CERS4: variants seen among roughly 807,000 people sequenced by gnomAD.
CERS4 encodes the protein LAG1 homolog, ceramide synthase 4.
A neutral mutation model predicts 51.8 loss-of-function variants in CERS4; 65 were observed. That is an observed-to-expected ratio of 1.26 (90% CI 1.03 to 1.54). The LOEUF (loss-of-function observed/expected upper bound fraction) is 1.54. CERS4 is among the 40% of genes most tolerant of loss of function. The pLI is 0.00. For missense variants in CERS4, 563 were observed against 500.4 expected, an observed-to-expected ratio of 1.13 and a Z score of -1.19; for synonymous variants, 228 against 208.4, an observed-to-expected ratio of 1.09 and a Z score of -0.81.
At chr19:8,258,447 G>T (rs1969512134) in intron 10 of CERS4, among the ~76,000 whole-genome samples, 1 of 152,200 alleles carries the variant, frequency 6.6e-6, no homozygotes, top group African/African-American at 2.4e-5. Flanking sequence ...GGTAGCTCAT[G>T]CCTGTAATCC....
At chr19:8,219,819 C>CA (rs550873858) in intron 2 of CERS4, among the ~76,000 whole-genome samples, 5,242 of 139,222 alleles carry the variant, frequency 0.038, 154 homozygotes, top group Middle Eastern at 0.051. Flanking sequence ...AACTCTGTTT[C>CA]AAAAAAAAAA....
chr19:8,250,913 AGTCCC>A, intron 2 of CERS4, 158 bp from the exon 3 acceptor site: 1 of 1,446,856 alleles, frequency 6.9e-7, no homozygotes. Flanking sequence ...ACAGTTCCAA[AGTCCC>A]AGGCAAGGGG....
chr19:8,260,959 A>AC (rs71175823), intron 10 of CERS4: 75,415 of 143,156 alleles, frequency 0.53, 21,115 homozygotes, highest in South Asian at 0.61. Flanking sequence ...TCAAAAAAAA[A>AC]AAAAAAAAAA....
At chr19:8,235,925 G>T (rs1444924045) in intron 2 of CERS4, among the ~76,000 whole-genome samples, 1 of 152,050 alleles carries the variant, frequency 6.6e-6, no homozygotes, top group African/African-American at 2.4e-5. Flanking sequence ...GCCGGGCGCG[G>T]TGGCTCACGC....
chr19:8,221,175 C>T (rs563779992), intron 2 of CERS4, among the ~76,000 whole-genome samples: 3 of 150,304 alleles, frequency 2.0e-5, no homozygotes, highest in African/African-American at 7.3e-5. Flanking sequence ...CGCTATGTTG[C>T]TCAGGCTGGT....
At position 8,237,111 on chromosome 19, in the gene CERS4, A is replaced by G. The variant is rs560480874; in HGVS notation, c.-1-13965A>G. Among the ~76,000 whole-genome samples the G allele has an allele frequency of 3.3e-5, 5 of 151,266 alleles. No homozygotes were observed. The South Asian group carries it at 1.0e-3, about 32-fold the overall frequency. ...TAGTTCTCTCACAGTTATCTGCCCC[A>G]GGAACACAGAGACGATTATAGATAA... is the stretch of plus-strand genomic sequence containing the variant. On this transcript the variant is annotated intron_variant, in intron 2 of 11. Transcript: ENST00000251363.
At chr19:8,255,077 C>T (rs937507197) in intron 4 of CERS4, among the ~76,000 whole-genome samples, 2 of 152,148 alleles carry the variant, frequency 1.3e-5, no homozygotes, top group Non-Finnish European at 2.9e-5. Flanking sequence ...CCTCCATTCC[C>T]GTCTCTGGTG....
At position 8,257,074 on chromosome 19, in the gene CERS4, G is replaced by T. The variant is rs921156003; in HGVS notation, c.738G>T (p.Leu246=). ...TACACGATTCCTCTGACTACCTGCT[G>T]GAGGTGGGCCCGACCCCTGCCTGAC... ...LLLHDSSDYL[L]EACKMVNYMQ... Residue 246 remains leucine, a synonymous_variant, in exon 9 of 12, where the codon CTG becomes CTT. Transcript: ENST00000251363. 1 of 1,598,082 alleles carries T rather than the reference G, an allele frequency of 6.3e-7. No individual in the cohort carries two copies. The highest frequency in any genetic ancestry group is 1.3e-5 in the African/African-American group (1 of 74,774).
chr19:8,258,082 G>A, intron 10 of CERS4, 97 bp downstream of exon 10: 1 of 987,632 alleles, frequency 1.0e-6, no homozygotes, highest in Non-Finnish European at 1.6e-6. Context: ...AGGAGCTGGG[G>A]ATCTTGGCTG....
chr19:8,244,577 G>A (rs961669300), intron 2 of CERS4, among the ~76,000 whole-genome samples: 1 of 152,034 alleles, frequency 6.6e-6, no homozygotes, highest in African/African-American at 2.4e-5. Flanking sequence ...AAATGTCTCT[G>A]GAATCCCCTT....
chr19:8,224,104 TAAAAAAA>T (rs746066578), intron 2 of CERS4, among the ~76,000 whole-genome samples: 12 of 65,484 alleles, frequency 1.8e-4, no homozygotes, highest in Admixed American at 1.7e-3. Context: ...ACTCCGTCTT[TAAAAAAA>T]AAAAAAAAAA....
rs769014016 is a variant in CERS4, at chr19:8,255,846, C to T, written c.435C>T (p.Ser145=). Residue 145 remains serine (S), a synonymous_variant, in exon 6 of 12, where the codon TCC becomes TCT. Coordinates refer to ENST00000251363, the MANE Select transcript of CERS4 (RefSeq NM_024552.3). ...EASWRFLFYL[S]SFVGGLSVLY... ...GCTGGAGGTTTCTCTTCTACCTGTCCTCCTTCGTGGGCGGCCTCTCGGTCC... is the reference window on the plus strand; with the variant it reads ...GCTGGAGGTTTCTCTTCTACCTGTCTTCCTTCGTGGGCGGCCTCTCGGTCC... 2 of 1,613,846 alleles carry T rather than the reference C, an allele frequency of 1.2e-6. No homozygotes were observed. The highest frequency in any genetic ancestry group is 2.2e-5 in the East Asian group (1 of 44,898).
intron 2 of CERS4, among the ~76,000 whole-genome samples, chr19:8,245,126 A>ACAAAAAAAAACAAAAAAAAAC (rs1555777241): frequency 2.0e-4 from 29 of 148,228 alleles, no homozygotes; most frequent in Admixed American, 8.0e-4. Flanking sequence ...AAAAAAAAAA[A>ACAAAAAAAAACAAAAAAAAAC]AAAAAAAAAC....
At chr19:8,238,867 A>G (rs1242932529) in intron 2 of CERS4, among the ~76,000 whole-genome samples, 1 of 152,002 alleles carries the variant, frequency 6.6e-6, no homozygotes, top group Non-Finnish European at 1.5e-5. Flanking sequence ...GGGAAGCCAT[A>G]GTGGGAGAAT....
chr19:8,253,876 G>A (rs1257107712), intron 3 of CERS4, among the ~76,000 whole-genome samples: 1 of 151,982 alleles, frequency 6.6e-6, no homozygotes, highest in African/African-American at 2.4e-5. Context: ...GCATGAGTCA[G>A]CTGCCTTTCT....
chr19:8,261,436 T>C, intron 10 of CERS4: 1 of 527,458 alleles, frequency 1.9e-6, no homozygotes, highest in Non-Finnish European at 3.4e-6. Context: ...AGTTCATAAG[T>C]ACCCGCTTGG....
At position 8,227,142 on chromosome 19, in the gene CERS4, G is replaced by A. The variant is rs113346864; in HGVS notation, c.-2+16280G>A. ...AAACTGTCTCAAAAAAAAGAGAATT[G>A]GTTTCTTAAGTAGTGAGGTGGGGGT... On this transcript the variant is annotated intron_variant, in intron 2 of 11. Transcript: ENST00000251363. Among the ~76,000 whole-genome samples the A allele has an allele frequency of 6.6e-3, 998 of 151,848 alleles. 15 individuals are homozygous for A. The highest frequency in any genetic ancestry group is 0.023 in the African/African-American group (947 of 41,470).
chr19:8,254,422 G>A, intron 3 of CERS4, 77 bp from the exon 4 acceptor site: 4 of 1,361,546 alleles, frequency 2.9e-6, no homozygotes, highest in Non-Finnish European at 4.1e-6. Context: ...TATCCCACCG[G>A]CAGCATGTCT....
rs757091703 is a variant in CERS4 at position 8,257,925 on chromosome 19, C to G, written c.788C>G (p.Ala263Gly). Residue 263 changes from alanine (A) to glycine (G), a missense_variant, in exon 10 of 12, where the codon GCT (alanine) becomes GGT (glycine). Ala to Gly is a moderately conservative substitution (Grantham distance 60). Transcript: ENST00000251363. ...ATGCAGTATCAGCAAGTGTGCGACG[C>G]TCTCTTCCTCATCTTCTCCTTTGTC... ...NYMQYQQVCD[A>G]LFLIFSFVFF... is the part of the protein sequence containing the mutation. 2 of 1,614,088 alleles carry G rather than the reference C, an allele frequency of 1.2e-6. No homozygotes were observed. The highest frequency in any genetic ancestry group is 4.5e-5 in the East Asian group (2 of 44,878).
Sources: gnomAD v4.1 joint callset for allele counts (sites outside exome capture counted in the v4.1 genomes callset) on GRCh38, gnomAD v4.1.1 for gene constraint, MANE v1.5 for transcripts, NCBI Gene and HGNC (gene_info 2026-07-23, HGNC 2026-07-21) for gene names.